Variants in ERC2 observed in about 807,000 individuals in gnomAD.
ERC2 encodes the protein ERC protein 2.
ERC2 carries 42 observed loss-of-function variants against 114.8 expected under a neutral mutation model. That is an observed-to-expected ratio of 0.37 (90% CI 0.29 to 0.47). The LOEUF (loss-of-function observed/expected upper bound fraction) is 0.47. Ranked by LOEUF, ERC2 falls within the 20% of genes least tolerant of loss-of-function variation. ERC2 has a pLI of 0.99. For missense variants in ERC2, 939 were observed against 1,150.7 expected, an observed-to-expected ratio of 0.82 and a Z score of 2.66; for synonymous variants, 454 against 425.5, an observed-to-expected ratio of 1.07 and a Z score of -0.82.
chr3:55,693,810 G>A (rs2062790317), intron 16 of ERC2, among the ~76,000 whole-genome samples: 2 of 151,922 alleles, frequency 1.3e-5, no homozygotes, highest in African/African-American at 4.8e-5. Flanking sequence ...CCAGGTTCAA[G>A]TGATTCTCCT....
intron 6 of ERC2, among the ~76,000 whole-genome samples, chr3:56,084,713 G>C (rs1383451886): frequency 6.6e-6 from 1 of 152,012 alleles, no homozygotes; most frequent in East Asian, 1.9e-4. Flanking sequence ...AGCAGGAAGG[G>C]TGTGAGGAGG....
chr3:56,054,665 G>A lies in ERC2; in HGVS notation c.1641+26152C>T, dbSNP rs545231624. Among the ~76,000 whole-genome samples, 15 of 152,134 alleles carry A rather than the reference G, an allele frequency of 9.9e-5. No homozygotes were observed. In the South Asian group the frequency reaches 1.5e-3, roughly 15 times the overall value. On this transcript the variant is annotated intron_variant, in intron 7 of 17. Coordinates refer to ENST00000288221, the MANE Select transcript of ERC2 (RefSeq NM_015576.3). ...TCGATGAGCAAACTGCGGCTTCAAG[G>A]GATACAACAACTTGACTCAGTCCAT...
intron 3 of ERC2, among the ~76,000 whole-genome samples, chr3:56,251,167 C>G (rs1433749404): frequency 6.6e-6 from 1 of 152,190 alleles, no homozygotes; most frequent in Non-Finnish European, 1.5e-5. Flanking sequence ...CCACCAGAAA[C>G]TACAGAAAGT....
intron 17 of ERC2, among the ~76,000 whole-genome samples, chr3:55,607,538 C>T (rs1268324304): frequency 1.3e-5 from 2 of 151,544 alleles, no homozygotes; most frequent in South Asian, 2.1e-4. Flanking sequence ...GGTGCTCCTC[C>T]AATGCCCACA....
intron 17 of ERC2, among the ~76,000 whole-genome samples, chr3:55,524,500 G>GTTTTTT (rs34258011): frequency 1.7e-5 from 2 of 120,848 alleles, no homozygotes; most frequent in Non-Finnish European, 1.7e-5. Context: ...AGCTCCAGTG[G>GTTTTTT]TTTTTTTTTT....
chr3:56,080,366 A>T (rs2077174765), intron 7 of ERC2, among the ~76,000 whole-genome samples: 1 of 152,178 alleles, frequency 6.6e-6, no homozygotes, highest in South Asian at 2.1e-4. Flanking sequence ...TCAATTAAGT[A>T]ATGGGTATAA....
At chr3:55,975,792 C>T (rs1463621821) in intron 12 of ERC2, among the ~76,000 whole-genome samples, 1 of 152,192 alleles carries the variant, frequency 6.6e-6, no homozygotes, top group Non-Finnish European at 1.5e-5. Context: ...GTCTAAGCTA[C>T]AGACAGCCCC....
chr3:55,688,598 T>C (rs1443309698), intron 16 of ERC2, among the ~76,000 whole-genome samples: 1 of 152,162 alleles, frequency 6.6e-6, no homozygotes, highest in Non-Finnish European at 1.5e-5. Flanking sequence ...TTGAAGACCA[T>C]GGTTGGAACT....
At chr3:55,880,839 T>G (rs2063081594) in intron 14 of ERC2, among the ~76,000 whole-genome samples, 1 of 152,026 alleles carries the variant, frequency 6.6e-6, no homozygotes, top group Non-Finnish European at 1.5e-5. Context: ...AAGGCCAAGT[T>G]GTAAATTAAA....
At chr3:56,235,397 T>C (rs1201343408) in intron 3 of ERC2, among the ~76,000 whole-genome samples, 1 of 152,194 alleles carries the variant, frequency 6.6e-6, no homozygotes, top group Non-Finnish European at 1.5e-5. Flanking sequence ...TGAATACACA[T>C]GGACAAAATG....
intron 17 of ERC2, among the ~76,000 whole-genome samples, chr3:55,526,121 A>T (rs2053297994): frequency 6.6e-6 from 1 of 152,096 alleles, no homozygotes; most frequent in African/African-American, 2.4e-5. Context: ...AGGGTGGAGC[A>T]ATGCATCTAT....
chr3:56,377,920 T>C (rs1371366804), intron 2 of ERC2, among the ~76,000 whole-genome samples: 1 of 151,916 alleles, frequency 6.6e-6, no homozygotes, highest in Non-Finnish European at 1.5e-5. Flanking sequence ...GCAAGCAATA[T>C]TGCCCCAAAA....
At chr3:55,824,159 A>C (rs1388807520) in intron 14 of ERC2, among the ~76,000 whole-genome samples, 1 of 152,200 alleles carries the variant, frequency 6.6e-6, no homozygotes, top group Non-Finnish European at 1.5e-5. Flanking sequence ...TTAAAGACCT[A>C]ACCTCTAAAC....
intron 14 of ERC2, among the ~76,000 whole-genome samples, chr3:55,748,753 T>C (rs368770736): frequency 5.9e-5 from 9 of 152,276 alleles, no homozygotes; most frequent in African/African-American, 1.9e-4. Context: ...ATGCCTAGTA[T>C]AATCCAGTTG....
At chr3:55,692,392 A>C (rs1372315898) in intron 16 of ERC2, among the ~76,000 whole-genome samples, 1 of 152,214 alleles carries the variant, frequency 6.6e-6, no homozygotes, top group East Asian at 1.9e-4. Flanking sequence ...TTATGAAAAA[A>C]GAACTAGGGC....
intron 7 of ERC2, among the ~76,000 whole-genome samples, chr3:56,026,515 T>A (rs1235302890): frequency 6.6e-6 from 1 of 152,138 alleles, no homozygotes; most frequent in Non-Finnish European, 1.5e-5. Context: ...TATAACAGTG[T>A]CATGATGAGG....
At chr3:55,571,124 CAAAAAAA>C (rs60594862) in intron 17 of ERC2, among the ~76,000 whole-genome samples, 2,898 of 67,404 alleles carry the variant, frequency 0.043, 79 homozygotes, top group African/African-American at 0.087. Context: ...GAGACTCCGT[CAAAAAAA>C]AAAAAAAAAA....
chr3:56,466,091 A>T (rs770695881), intron 1 of ERC2, among the ~76,000 whole-genome samples: 2 of 152,262 alleles, frequency 1.3e-5, no homozygotes, highest in Non-Finnish European at 2.9e-5. Flanking sequence ...TACCTACCTC[A>T]CAGGGGCTCC....
intron 17 of ERC2, among the ~76,000 whole-genome samples, chr3:55,624,132 G>A (rs1390186147): frequency 6.6e-6 from 1 of 152,150 alleles, no homozygotes; most frequent in Non-Finnish European, 1.5e-5. Flanking sequence ...TATCTGGGCT[G>A]AATCCAACAG....
Sources: allele counts gnomAD v4.1 joint callset (sites outside exome capture counted in the v4.1 genomes callset), GRCh38; gene constraint gnomAD v4.1.1; transcripts MANE v1.5; gene names NCBI Gene and HGNC (gene_info 2026-07-23, HGNC 2026-07-21).